The following UBR4 variants were observed in gnomAD, a reference collection of about 807,000 sequenced individuals.
UBR4 encodes the protein E3 ubiquitin-protein ligase UBR4.
UBR4 carries 124 observed loss-of-function variants against 575.6 expected under a neutral mutation model. The ratio of observed to expected loss-of-function variants is 0.22; its 90% CI spans 0.19 to 0.25. The LOEUF (loss-of-function observed/expected upper bound fraction) is 0.25. Among genes scored for constraint, UBR4 ranks in the 10% least tolerant of loss-of-function variants. The pLI is 1.00. For missense variants in UBR4, 4,818 were observed against 6,478.8 expected (o/e 0.74, Z 8.80); for synonymous variants, 2,455 against 2,473.7 (o/e 0.99, Z 0.22).
intron 3 of UBR4, among the ~76,000 whole-genome samples, chr1:19,199,257 C>G (rs2092626805): frequency 6.6e-6 from 1 of 152,216 alleles, no homozygotes; most frequent in Non-Finnish European, 1.5e-5. Flanking sequence ...TGGTTAGCCC[C>G]TTTAGTTGGG....
intron 8 of UBR4, among the ~76,000 whole-genome samples, chr1:19,194,626 A>AC (rs1412200626): frequency 2.6e-5 from 4 of 151,948 alleles, no homozygotes; most frequent in African/African-American, 9.7e-5. Flanking sequence ...ACATGGTGAA[A>AC]CCCCATCTCT....
At chr1:19,151,357 C>A (rs1036946594) in intron 48 of UBR4, 1 of 501,356 alleles carries the variant, frequency 2.0e-6, no homozygotes, top group Non-Finnish European at 3.6e-6. Flanking sequence ...TGCCTCCTCT[C>A]GGCCTAAACA....
Position 19,179,131 on chromosome 1 carries a change from T to C in UBR4, c.2274A>G (p.Ser758=), listed in dbSNP as rs533563245. Residue 758 remains serine, a synonymous_variant, in exon 18 of 106, where the codon TCA becomes TCG. Coordinates refer to ENST00000375254, the MANE Select transcript of UBR4 (RefSeq NM_020765.3). Reference sequence around the variant, plus strand: ...TATGTTGCCAGATGAGCAGGAGGCGTGAAAGCACAGAGAGGCTTTGAGGGT... The same window carrying C: ...TATGTTGCCAGATGAGCAGGAGGCGCGAAAGCACAGAGAGGCTTTGAGGGT... The part of the protein sequence containing the change: ...YIHPQSLSVL[S]RLLLIWQHKA... The C allele has an allele frequency of 6.6e-5, 106 of 1,613,870 alleles. 1 individual carries two copies. In the South Asian group the frequency reaches 1.1e-3, roughly 16 times the overall value.
chr1:19,126,422 T>C, intron 64 of UBR4, 24 bp downstream of exon 64: 1 of 1,613,826 alleles, frequency 6.2e-7, no homozygotes, highest in African/African-American at 1.3e-5. Flanking sequence ...GACGAGTGTT[T>C]CTTTGATGAG....
In UBR4 at chr1:19,088,216, G is replaced by A. The variant is rs1048761054; in HGVS notation, c.14431-287C>T. 6.6e-6 allele frequency among the ~76,000 whole-genome samples: 1 copy of A among 152,214 alleles called. No individual in the cohort carries two copies. Among genetic ancestry groups the A allele is most frequent in the Non-Finnish European group, 1.5e-5 (1 of 68,050 alleles). Reference sequence around the variant, plus strand: ...CCTTTCTTCATGCCAGCATCTTCGTGCCAGCAATGCCAAGTCTCAGCTTCC... The same window carrying A: ...CCTTTCTTCATGCCAGCATCTTCGTACCAGCAATGCCAAGTCTCAGCTTCC... On this transcript the variant is annotated intron_variant, in intron 98 of 105. Transcript: ENST00000375254. This position sits in a 1 kb window ranked among gnomAD's most constrained non-coding sequence, Gnocchi z 4.0.
At chr1:19,148,939 G>C (rs1437433989) in intron 49 of UBR4, among the ~76,000 whole-genome samples, 1 of 152,182 alleles carries the variant, frequency 6.6e-6, no homozygotes, top group Non-Finnish European at 1.5e-5. Context: ...CACTGAGATG[G>C]GCTTAACAGT....
At chr1:19,143,239 G>GC (rs2084243519) in intron 55 of UBR4, among the ~76,000 whole-genome samples, 1 of 127,090 alleles carries the variant, frequency 7.9e-6, no homozygotes, top group Admixed American at 8.2e-5. Context: ...AGGAAGGCAG[G>GC]AAGGAAGGAA....
intron 101 of UBR4, 87 bp downstream of exon 101, chr1:19,086,058 G>A: frequency 6.6e-7 from 1 of 1,514,870 alleles, no homozygotes; most frequent in Non-Finnish European, 8.9e-7. Context: ...AGGAAATGGT[G>A]TCACCAGGGG....
intron 58 of UBR4, among the ~76,000 whole-genome samples, chr1:19,140,397 A>C (rs564669466): frequency 6.6e-6 from 1 of 152,306 alleles, no homozygotes; most frequent in East Asian, 1.9e-4. Context: ...CTCTCCTTTT[A>C]TTTGCAAATG....
In UBR4 at chr1:19,089,090, C is replaced by T. The variant is rs1453981508; in HGVS notation, c.14212-113G>A. On this transcript the variant is annotated intron_variant, in intron 97 of 105. Transcript: ENST00000375254. The surrounding 1 kb of genome is among the most constrained non-coding windows in gnomAD (Gnocchi z 4.3). ...AGCATGCACCATCTCATGTCACCTGCTCAGCTGCAATCAGGTCCTTTGATT... is the reference window on the plus strand; with the variant it reads ...AGCATGCACCATCTCATGTCACCTGTTCAGCTGCAATCAGGTCCTTTGATT... 9.6e-7 allele frequency: 1 copy of T among 1,043,946 alleles called. No homozygotes were observed. The highest frequency in any genetic ancestry group is 1.4e-6 in the Non-Finnish European group (1 of 713,274). 64.7% of individuals were successfully genotyped at this position (1,043,946 alleles called of 1,614,324 possible). A position where few individuals can be genotyped will look rare whatever the true frequency, so the allele number is the denominator to read the frequency against.
rs1330450751 is a variant in UBR4, at chr1:19,106,584, G to A, written c.12378C>T (p.Asn4126=). 2 of 1,575,166 alleles carry A rather than the reference G, an allele frequency of 1.3e-6. No homozygotes were observed. Among genetic ancestry groups the A allele is most frequent in the East Asian group, 4.5e-5 (2 of 44,720 alleles). The change falls in exon 83 of 106, where the codon AAC becomes AAT. Residue 4126 remains asparagine (N), a synonymous_variant. Coordinates refer to ENST00000375254, the MANE Select transcript of UBR4 (RefSeq NM_020765.3). Reference sequence around the variant, plus strand: ...GGCCACTCACTTGTCGCAGCCAGTTGTTATGCCCCAGTTTGAGATCCAAGG... The same window carrying A: ...GGCCACTCACTTGTCGCAGCCAGTTATTATGCCCCAGTTTGAGATCCAAGG... The part of the protein sequence containing the change: ...TSPLDLKLGH[N]NWLRQVLFTP...
chr1:19,205,639 CTTTT>C (rs35944518), intron 1 of UBR4, among the ~76,000 whole-genome samples: 1 of 142,704 alleles, frequency 7.0e-6, no homozygotes, highest in Non-Finnish European at 1.5e-5. Context: ...TGGTGGCGGG[CTTTT>C]TTTTTTTTTT....
intron 54 of UBR4, among the ~76,000 whole-genome samples, 164 bp from the exon 55 acceptor site, chr1:19,144,255 G>A (rs2296109): frequency 6.6e-6 from 1 of 152,132 alleles, no homozygotes; most frequent in African/African-American, 2.4e-5. Context: ...GTTAATCCCC[G>A]CTTCCTGTTC....
At chr1:19,140,764 G>A (rs767455182) in intron 58 of UBR4, 24 bp downstream of exon 58, 11 of 1,605,828 alleles carry the variant, frequency 6.9e-6, no homozygotes, top group East Asian at 4.5e-5. Context: ...GCCCTGAGCC[G>A]TGCTCCTTGC....
chr1:19,132,603 GGT>G (rs2082626383), intron 60 of UBR4, among the ~76,000 whole-genome samples: 2 of 19,502 alleles, frequency 1.0e-4, no homozygotes, highest in African/African-American at 3.8e-4. Context: ...AGTAAAAAAT[GGT>G]AAAAAAAAAA....
chr1:19,150,722 G>T lies in UBR4; in HGVS notation c.7285C>A (p.Gln2429Lys). Residue 2429 changes from glutamine (Q) to lysine (K), a missense_variant, in exon 49 of 106, where the codon CAG (glutamine) becomes AAG (lysine). By Grantham distance (53) the Gln-to-Lys change is moderately conservative. Coordinates refer to ENST00000375254, the MANE Select transcript of UBR4 (RefSeq NM_020765.3). ...AVKIYGKTKE[Q>K]FGWPDEPPEE... ...GGGGGCTCATCAGGCCAGCCAAACTGCTCCTTAGTCTTGCCATAAATTTTT... is the reference window on the plus strand; with the variant it reads ...GGGGGCTCATCAGGCCAGCCAAACTTCTCCTTAGTCTTGCCATAAATTTTT... 1 of 1,614,040 alleles carries T rather than the reference G, an allele frequency of 6.2e-7. No individual in the cohort carries two copies. Among genetic ancestry groups the T allele is most frequent in the South Asian group, 1.1e-5 (1 of 91,066 alleles).
Position 19,100,583 on chromosome 1 carries a change from A to G in UBR4, c.13024-10T>C. ...TGACTTCATTCTCCTCCTGGAGGAC[A>G]GACAGAAGGGTGCATCAGAAGGGAT... On this transcript the variant is annotated splice_polypyrimidine_tract_variant and intron_variant, in intron 88 of 105. Coordinates refer to ENST00000375254, the MANE Select transcript of UBR4 (RefSeq NM_020765.3). The surrounding 1 kb of genome is among the most constrained non-coding windows in gnomAD (Gnocchi z 4.2). 1 of 1,613,664 alleles carries G rather than the reference A, an allele frequency of 6.2e-7. No individual in the cohort carries two copies. Among genetic ancestry groups the G allele is most frequent in the South Asian group, 1.1e-5 (1 of 91,062 alleles).
In UBR4 at chr1:19,150,788, C is replaced by A; in HGVS notation, c.7219G>T (p.Ala2407Ser). Residue 2407 changes from alanine (A) to serine (S), a missense_variant, in exon 49 of 106, where the codon GCC (alanine) becomes TCC (serine). Physicochemically the swap from Ala to Ser is moderately conservative, Grantham distance 99. Around this residue, in one of 29 missense-constraint regions of UBR4, gnomAD observed 340 missense variants for 375.4 expected, o/e 0.91. Coordinates refer to ENST00000375254, the MANE Select transcript of UBR4 (RefSeq NM_020765.3). ...GTGACACCTGCTGGATCCACCGAGG[C>A]CCCAACTGCAATAAGCAAGAGAGGC... Reference protein sequence around the residue: ...ADKKLNLFIGASVDPAGVTMI... With the variant: ...ADKKLNLFIGSSVDPAGVTMI... 1 of 1,613,744 alleles carries A rather than the reference C, an allele frequency of 6.2e-7. No individual in the cohort carries two copies. Among genetic ancestry groups the A allele is most frequent in the Non-Finnish European group, 8.5e-7 (1 of 1,179,996 alleles).
At position 19,148,547 on chromosome 1, in the gene UBR4, T is replaced by C. The variant is rs2085196659; in HGVS notation, c.7494+16A>G. The stretch of plus-strand genomic sequence containing the variant: ...CTCTTCAGAAAGCTTCCATGTGCTT[T>C]GAAAAAGTGACTTGCCTTCTCGATG... On this transcript the variant is annotated intron_variant, in intron 50 of 105. Coordinates refer to ENST00000375254, the MANE Select transcript of UBR4 (RefSeq NM_020765.3). The C allele has an allele frequency of 1.9e-6, 3 of 1,614,180 alleles. No homozygotes were observed. Among genetic ancestry groups the C allele is most frequent in the East Asian group, 2.2e-5 (1 of 44,880 alleles).
Sources: gnomAD v4.1 joint callset for allele counts (sites outside exome capture counted in the v4.1 genomes callset) on GRCh38, gnomAD v4.1.1 for gene constraint, gnomAD v4.1.1 regional missense constraint, Gnocchi (gnomAD v3.1) non-coding constraint, MANE v1.5 for transcripts, NCBI Gene and HGNC (gene_info 2026-07-23, HGNC 2026-07-21) for gene names.